Variants in CSMD1 observed in about 807,000 individuals in gnomAD.
CSMD1 encodes CUB and Sushi multiple domains 1.
In CSMD1, 213 loss-of-function variants were observed where a neutral mutation model predicts 417.5. That is an observed-to-expected ratio of 0.51 (90% CI 0.46 to 0.57). CSMD1 has a LOEUF of 0.57. Among genes scored for constraint, CSMD1 ranks in the 20% least tolerant of loss-of-function variants. The pLI, the probability that CSMD1 is intolerant of heterozygous loss-of-function variation, is 0.00. For synonymous variants in CSMD1, 2,862 were observed against 1,736.8 expected (o/e 1.65, Z -16.11); for missense variants, 6,923 against 4,529.7 (o/e 1.53, Z -15.17).
chr8:3,426,867 C>G (rs1813875651), intron 12 of CSMD1, among the ~76,000 whole-genome samples: 1 of 152,096 alleles, frequency 6.6e-6, no homozygotes, highest in Non-Finnish European at 1.5e-5. Context: ...CTGCTCAAGA[C>G]TGGGTAGTTT....
chr8:4,507,279 T>C (rs1031108024), intron 2 of CSMD1, among the ~76,000 whole-genome samples: 1 of 152,200 alleles, frequency 6.6e-6, no homozygotes, highest in African/African-American at 2.4e-5. Flanking sequence ...TAAAAACTAT[T>C]TTCATTAAAT....
At chr8:3,398,071 G>C (rs891579604) in intron 16 of CSMD1, among the ~76,000 whole-genome samples, 1 of 152,158 alleles carries the variant, frequency 6.6e-6, no homozygotes, top group African/African-American at 2.4e-5. Flanking sequence ...GAATGAATGA[G>C]ATTGGGAAAA....
intron 12 of CSMD1, among the ~76,000 whole-genome samples, chr8:3,438,592 T>A (rs1814728594): frequency 6.6e-6 from 1 of 152,202 alleles, no homozygotes; most frequent in African/African-American, 2.4e-5. Context: ...TTCCTTTTTA[T>A]TGCTGAGTGG....
At chr8:4,235,731 G>A (rs891852940) in intron 3 of CSMD1, among the ~76,000 whole-genome samples, 1 of 152,160 alleles carries the variant, frequency 6.6e-6, no homozygotes, top group South Asian at 2.1e-4. Context: ...GTTCTCACAT[G>A]CAAGTGTAAT....
At chr8:4,949,598 C>A (rs1157764311) in intron 1 of CSMD1, among the ~76,000 whole-genome samples, 1 of 152,162 alleles carries the variant, frequency 6.6e-6, no homozygotes, top group South Asian at 2.1e-4. Flanking sequence ...TCCTGAAATG[C>A]CCAGTCAATT....
intron 5 of CSMD1, among the ~76,000 whole-genome samples, chr8:3,805,857 C>T (rs768645542): frequency 1.3e-5 from 2 of 152,072 alleles, no homozygotes; most frequent in African/African-American, 2.4e-5. Context: ...AATTTCATGC[C>T]TCAGTTTCCC....
intron 3 of CSMD1, among the ~76,000 whole-genome samples, chr8:4,403,221 A>T (rs529669291): frequency 6.6e-6 from 1 of 152,128 alleles, no homozygotes; most frequent in Non-Finnish European, 1.5e-5. Context: ...TCTTTTCCTT[A>T]TGAGAATATA....
At chr8:3,404,736 G>C (rs962262466) in intron 15 of CSMD1, among the ~76,000 whole-genome samples, 3 of 151,902 alleles carry the variant, frequency 2.0e-5, no homozygotes, top group African/African-American at 7.3e-5. Flanking sequence ...GTTTTACAAA[G>C]TTATTATCAT....
chr8:3,364,158 TA>T (rs35668840), intron 20 of CSMD1, among the ~76,000 whole-genome samples: 1,768 of 149,528 alleles, frequency 0.012, 20 homozygotes, highest in Non-Finnish European at 0.018. Context: ...TTTGTATACT[TA>T]AAAAAAAAAC....
At chr8:3,453,323 C>G (rs571847864) in intron 12 of CSMD1, among the ~76,000 whole-genome samples, 1 of 152,196 alleles carries the variant, frequency 6.6e-6, no homozygotes, top group Non-Finnish European at 1.5e-5. Context: ...CACTTCTGCT[C>G]TGATCTTAGT....
chr8:3,758,602 G>A (rs1458191611), intron 5 of CSMD1, among the ~76,000 whole-genome samples: 1 of 152,200 alleles, frequency 6.6e-6, no homozygotes, highest in Admixed American at 6.5e-5. Flanking sequence ...TTTAAAGGAA[G>A]ATGATTACTG....
chr8:4,588,829 G>C (rs1044479637), intron 2 of CSMD1, among the ~76,000 whole-genome samples: 4 of 144,980 alleles, frequency 2.8e-5, no homozygotes, highest in African/African-American at 1.0e-4. Flanking sequence ...CTCTGTGCTT[G>C]ATTCTGTTCA....
intron 1 of CSMD1, among the ~76,000 whole-genome samples, chr8:4,700,694 G>A (rs1335279198): frequency 6.6e-6 from 1 of 152,118 alleles, no homozygotes; most frequent in Middle Eastern, 3.2e-3. Flanking sequence ...ACCTGTATAT[G>A]ATATTCAGAA....
At chr8:3,097,300 G>C (rs1815381234) in intron 46 of CSMD1, among the ~76,000 whole-genome samples, 1 of 151,958 alleles carries the variant, frequency 6.6e-6, no homozygotes, top group African/African-American at 2.4e-5. Flanking sequence ...CTTAATTTGG[G>C]GCAGATGCAT....
chr8:4,983,818 G>A (rs781235908), intron 1 of CSMD1, among the ~76,000 whole-genome samples: 4 of 123,872 alleles, frequency 3.2e-5, no homozygotes, highest in African/African-American at 7.1e-5. Context: ...TTAGATCAAG[G>A]AGAGATTGGG....
chr8:3,421,830 G>A (rs186542807), intron 12 of CSMD1, among the ~76,000 whole-genome samples: 5 of 151,996 alleles, frequency 3.3e-5, no homozygotes, highest in Admixed American at 6.6e-5. Flanking sequence ...TACAGACAGG[G>A]TTTCACCATA....
In CSMD1 at chr8:4,269,752, CA is replaced by C. The variant is rs557163241; in HGVS notation, c.415+150200del. Among the ~76,000 whole-genome samples, 316 of 152,272 alleles carry C rather than the reference CA, an allele frequency of 2.1e-3. 1 individual carries two copies. The highest frequency in any genetic ancestry group is 3.4e-3 in the Non-Finnish European group (228 of 68,026). ...TATTTACATTCTACTTAAAACACTG[CA>C]AAATTACATCTTCATAAAAAAGCAT... On this transcript the variant is annotated intron_variant, in intron 3 of 69. Transcript: ENST00000635120.
intron 3 of CSMD1, among the ~76,000 whole-genome samples, chr8:4,224,060 A>G (rs1563299595): frequency 6.6e-6 from 1 of 152,082 alleles, no homozygotes; most frequent in South Asian, 2.1e-4. Context: ...ACCCTACTCA[A>G]ACAGGGCTAA....
chr8:4,354,857 G>A (rs935897031), intron 3 of CSMD1, among the ~76,000 whole-genome samples: 2 of 121,730 alleles, frequency 1.6e-5, no homozygotes, highest in Non-Finnish European at 1.8e-5. Context: ...GGTAAATGAG[G>A]AAAATGTAGT....
Sources: allele counts gnomAD v4.1 joint callset (sites outside exome capture counted in the v4.1 genomes callset), GRCh38; gene constraint gnomAD v4.1.1; transcripts MANE v1.5; gene names NCBI Gene and HGNC (gene_info 2026-07-23, HGNC 2026-07-21).